Variants in CAPS2 observed in about 807,000 individuals in gnomAD.
CAPS2 encodes calcyphosine 2, also known as calcyphosin-2.
A neutral mutation model predicts 86.5 loss-of-function variants in CAPS2; 98 were observed. That is an observed-to-expected ratio of 1.13 (90% CI 0.96 to 1.34). CAPS2 has a LOEUF of 1.34. Ranked by LOEUF, CAPS2 falls within the 40% of genes most tolerant of loss-of-function variation. The pLI, the probability that CAPS2 is intolerant of heterozygous loss-of-function variation, is 0.00. For synonymous variants in CAPS2, 210 were observed against 225.1 expected (o/e 0.93, Z 0.60); for missense variants, 729 against 686.8 (o/e 1.06, Z -0.69).
intron 7 of CAPS2, chr12:75,306,239 C>G: frequency 1.5e-6 from 1 of 650,794 alleles, no homozygotes; most frequent in South Asian, 1.8e-5. Flanking sequence ...TACGAACATG[C>G]AAATCATGGA....
chr12:75,334,711 C>T, upstream of CAPS2: 2 of 1,607,004 alleles, frequency 1.2e-6, no homozygotes, highest in East Asian at 2.2e-5. Context: ...GCATCCTCCG[C>T]ATCCTCCACA....
intron 7 of CAPS2, among the ~76,000 whole-genome samples, chr12:75,310,313 G>A (rs992674320): frequency 4.6e-5 from 7 of 152,110 alleles, no homozygotes; most frequent in African/African-American, 1.7e-4. Context: ...ATGTATTTAT[G>A]GTTTATTTAT....
intron 1 of CAPS2, among the ~76,000 whole-genome samples, chr12:75,354,589 T>C (rs924041059): frequency 6.6e-6 from 1 of 152,100 alleles, no homozygotes; most frequent in African/African-American, 2.4e-5. Flanking sequence ...GCTATTCCCA[T>C]TAAACTCATT....
At chr12:75,320,353 T>A (rs2040186356) in intron 5 of CAPS2, among the ~76,000 whole-genome samples, 1 of 152,118 alleles carries the variant, frequency 6.6e-6, no homozygotes, top group South Asian at 2.1e-4. Context: ...TTTCCCAACA[T>A]CTGTACAGTG....
rs1323573929 is a variant in CAPS2 at position 75,390,785 on chromosome 12, T to C, written c.-395+53A>G. The stretch of plus-strand genomic sequence containing the variant: ...ACGACATATCATTCAGTGTCAGAAA[T>C]CAATTCGGGATAACATTTCACTACA... On this transcript the variant is annotated intron_variant, in intron 1 of 5. Transcript: ENST00000551829. The C allele has an allele frequency of 7.5e-6, 4 of 532,508 alleles. No individual in the cohort carries two copies. In the East Asian group the frequency reaches 2.0e-4, roughly 27 times the overall value. 33.0% of individuals were successfully genotyped at this position (532,508 alleles called of 1,614,324 possible).
intron 11 of CAPS2, among the ~76,000 whole-genome samples, chr12:75,293,715 A>T (rs80262053): frequency 7.8e-4 from 119 of 152,280 alleles, no homozygotes; most frequent in Non-Finnish European, 9.7e-4. Flanking sequence ...ACATACCACA[A>T]ACTGAAGAAC....
chr12:75,362,865 A>G (rs1236759240), intron 1 of CAPS2, among the ~76,000 whole-genome samples: 1 of 152,200 alleles, frequency 6.6e-6, no homozygotes, highest in Non-Finnish European at 1.5e-5. Flanking sequence ...CTGGGTTCAC[A>G]TCTCATTATT....
exon 13 of CAPS2, chr12:75,291,806 T>C: frequency 6.4e-7 from 1 of 1,550,812 alleles, no homozygotes; most frequent in Non-Finnish European, 8.8e-7. Context: ...ATCCTCCTGT[T>C]CCATAGAAGC....
At chr12:75,303,274 T>C (rs1470659849) in intron 8 of CAPS2, among the ~76,000 whole-genome samples, 1 of 152,174 alleles carries the variant, frequency 6.6e-6, no homozygotes, top group Non-Finnish European at 1.5e-5. Flanking sequence ...TATCAAAATA[T>C]CATGTTGTAC....
At chr12:75,291,864 A>G in intron 12 of CAPS2, 44 bp from the exon 13 acceptor site, 1 of 994,762 alleles carries the variant, frequency 1.0e-6, no homozygotes, top group Non-Finnish European at 1.5e-6. Context: ...TATATATTCT[A>G]TTTTACAATC....
At position 75,277,451 on chromosome 12, in the gene CAPS2, G is replaced by T. The variant is rs1022294148; in HGVS notation, c.*1439C>A. 27 of 925,516 alleles carry T rather than the reference G, an allele frequency of 2.9e-5. No homozygotes were observed. The African/African-American group carries it at 4.3e-4, about 15-fold the overall frequency. 57.3% of individuals were successfully genotyped at this position (925,516 alleles called of 1,614,324 possible). On this transcript the variant is annotated 3_prime_UTR_variant, in exon 17 of 17. Transcript: ENST00000393284. ...AAGAAAAAGATATGTGACAAAAATA[G>T]TGTTATAGACTTATTTCTGCCAAAA...
intron 1 of CAPS2, among the ~76,000 whole-genome samples, chr12:75,336,607 C>G (rs1291004239): frequency 2.0e-5 from 3 of 151,592 alleles, no homozygotes; most frequent in Non-Finnish European, 4.4e-5. Context: ...ACAAAAGACA[C>G]AGCAATCTTC....
At chr12:75,365,322 A>G (rs2043891425) in intron 1 of CAPS2, 1 of 152,164 alleles carries the variant, frequency 6.6e-6, no homozygotes, top group Non-Finnish European at 1.5e-5. Flanking sequence ...ATTAAAAAAG[A>G]ATGTGTGTGT....
chr12:75,293,579 C>G (rs373986949), intron 11 of CAPS2, among the ~76,000 whole-genome samples: 116 of 152,188 alleles, frequency 7.6e-4, no homozygotes, highest in Middle Eastern at 3.4e-3. Flanking sequence ...ATTTAACAAT[C>G]CATGTGAACA....
intron 5 of CAPS2, among the ~76,000 whole-genome samples, chr12:75,320,370 A>G (rs1210983599): frequency 6.6e-6 from 1 of 152,158 alleles, no homozygotes; most frequent in Non-Finnish European, 1.5e-5. Flanking sequence ...AGTGATCTAA[A>G]TATCATTTGG....
At chr12:75,360,456 G>C (rs1051224742) in intron 1 of CAPS2, 5 of 152,126 alleles carry the variant, frequency 3.3e-5, no homozygotes, top group Non-Finnish European at 7.3e-5. Context: ...TTCCAAATGA[G>C]AGAAATTGGC....
At chr12:75,375,732 C>T (rs999588752) in intron 1 of CAPS2, among the ~76,000 whole-genome samples, 2 of 152,190 alleles carry the variant, frequency 1.3e-5, no homozygotes, top group Admixed American at 1.3e-4. Context: ...ATTAATTAGC[C>T]AGTGCTAGAG....
At chr12:75,279,194 G>T in intron 16 of CAPS2, 129 bp from the exon 17 acceptor site, 2 of 865,290 alleles carry the variant, frequency 2.3e-6, no homozygotes, top group Admixed American at 3.0e-5. Flanking sequence ...CAAACTACCA[G>T]CCAATTTATT....
At chr12:75,314,675 A>T (rs2039574222) in intron 6 of CAPS2, among the ~76,000 whole-genome samples, 1 of 152,216 alleles carries the variant, frequency 6.6e-6, no homozygotes, top group Admixed American at 6.5e-5. Context: ...TGACTAAAAC[A>T]TTAAAATTAT....
Sources: allele counts gnomAD v4.1 joint callset (sites outside exome capture counted in the v4.1 genomes callset), GRCh38; gene constraint gnomAD v4.1.1; transcripts MANE v1.5; gene names NCBI Gene and HGNC (gene_info 2026-07-23, HGNC 2026-07-21).